The following PCDHA4 variants were observed in gnomAD, a reference collection of about 807,000 sequenced individuals.
The protein encoded by PCDHA4 is protocadherin alpha 4.
A neutral mutation model predicts 61.4 loss-of-function variants in PCDHA4; 49 were observed. The observed-to-expected ratio is 0.80, with a 90% confidence interval of 0.63 to 1.01. PCDHA4 has a LOEUF of 1.01. Among genes scored for constraint, PCDHA4 ranks in the 50% least tolerant of loss-of-function variants. PCDHA4 has a pLI of 0.00. For missense variants in PCDHA4, 1,254 were observed against 1,235.8 expected, an observed-to-expected ratio of 1.01 and a Z score of -0.22; for synonymous variants, 590 against 550.3, an observed-to-expected ratio of 1.07 and a Z score of -1.01.
chr5:140,836,618 G>A (rs2150265827), intron 1 of PCDHA4: 4 of 1,613,598 alleles, frequency 2.5e-6, no homozygotes, highest in African/African-American at 2.7e-5. Flanking sequence ...CCAGCGCGGT[G>A]GGGAGCTGGT....
intron 1 of PCDHA4, among the ~76,000 whole-genome samples, chr5:140,971,604 A>G (rs2096487974): frequency 6.6e-6 from 1 of 152,160 alleles, no homozygotes; most frequent in Admixed American, 6.5e-5. Flanking sequence ...TACAGATGGC[A>G]GGAGAGTCCT....
At chr5:140,856,949 ATAAAAG>A in intron 1 of PCDHA4, 1 of 1,592,772 alleles carries the variant, frequency 6.3e-7, no homozygotes, top group Non-Finnish European at 8.6e-7. Context: ...GACGGGAGAA[ATAAAAG>A]TAAATGATGC....
chr5:140,923,000 G>A (rs1554201089), intron 1 of PCDHA4, among the ~76,000 whole-genome samples: 2 of 152,220 alleles, frequency 1.3e-5, no homozygotes, highest in African/African-American at 4.8e-5. Context: ...CCATGAGAAT[G>A]GTTGTTGGAC....
Position 140,808,720 on chromosome 5 carries a change from T to A in PCDHA4, c.1533T>A (p.His511Gln). Residue 511 changes from histidine to glutamine, a missense_variant, in exon 1 of 4, where the codon CAT becomes CAA. Transcript: ENST00000530339. ...CGCTGTCGAGCTACGTTTCGGTGCA[T>A]GCGGAGAGCGGCAAGGTGTACGCGC... is the stretch of plus-strand genomic sequence containing the variant. ...ERALSSYVSVHAESGKVYALQ... is the reference protein window; with the variant it reads ...ERALSSYVSVQAESGKVYALQ... 6.2e-7 allele frequency: 1 copy of A among 1,612,064 alleles called. No homozygotes were observed. Among genetic ancestry groups the A allele is most frequent in the South Asian group, 1.1e-5 (1 of 90,998 alleles).
intron 1 of PCDHA4, chr5:140,821,860 C>CAGCT (rs1193043307): frequency 6.2e-7 from 1 of 1,614,076 alleles, no homozygotes; most frequent in Non-Finnish European, 8.5e-7. Context: ...AGGGAGCGGC[C>CAGCT]AGCTCCACTA....
At chr5:141,001,607 A>G (rs1554258244) in intron 3 of PCDHA4, among the ~76,000 whole-genome samples, 1 of 152,078 alleles carries the variant, frequency 6.6e-6, no homozygotes, top group African/African-American at 2.4e-5. Flanking sequence ...AGGTTTGCCC[A>G]ATTCATAAAG....
chr5:140,989,085 C>T (rs1481898269), intron 3 of PCDHA4: 7 of 152,258 alleles, frequency 4.6e-5, no homozygotes, highest in Non-Finnish European at 7.4e-5. Context: ...CTCTGAAAAC[C>T]TTGTCAGGAG....
intron 1 of PCDHA4, among the ~76,000 whole-genome samples, chr5:140,977,356 T>C (rs1563455891): frequency 6.6e-6 from 1 of 152,250 alleles, no homozygotes; most frequent in African/African-American, 2.4e-5. Flanking sequence ...GACTGATTGA[T>C]AAAAAGTATT....
intron 1 of PCDHA4, chr5:140,841,445 G>T: frequency 6.2e-7 from 1 of 1,612,934 alleles, no homozygotes; most frequent in South Asian, 1.1e-5. Context: ...GGCCAAACAC[G>T]GCACCTTCGT....
chr5:140,883,632 T>C (rs782762437), intron 1 of PCDHA4: 1 of 1,613,936 alleles, frequency 6.2e-7, no homozygotes, highest in South Asian at 1.1e-5. Flanking sequence ...GCGCCGGCGT[T>C]CGCGCAGCCC....
intron 1 of PCDHA4, chr5:140,877,904 A>G (rs1421896402): frequency 7.0e-7 from 1 of 1,436,098 alleles, no homozygotes; most frequent in East Asian, 2.5e-5. Context: ...GGTTATAACT[A>G]CATTCTCTCA....
chr5:140,868,027 G>T (rs2050246308), intron 1 of PCDHA4: 1 of 151,988 alleles, frequency 6.6e-6, no homozygotes, highest in African/African-American at 2.4e-5. Context: ...AACCAATGTT[G>T]GTGACTTGGA....
intron 1 of PCDHA4, chr5:140,927,103 C>T: frequency 6.2e-7 from 1 of 1,613,768 alleles, no homozygotes; most frequent in Non-Finnish European, 8.5e-7. Flanking sequence ...GGTGGATCTA[C>T]CCAGCGGCAA....
rs2150131813 is a variant in PCDHA4, at chr5:140,824,059, G to T, written c.2385+14487G>T. Reference sequence around the variant, plus strand: ...GAGACAGAGGGTGTGCTCTGGGGAAGCTCCACCCAAAACAGACCTCATGGC... The same window carrying T: ...GAGACAGAGGGTGTGCTCTGGGGAATCTCCACCCAAAACAGACCTCATGGC... On this transcript the variant is annotated intron_variant, in intron 1 of 3. Coordinates refer to ENST00000530339, the MANE Select transcript of PCDHA4 (RefSeq NM_018907.4). 51 of 1,614,148 alleles carry T rather than the reference G, an allele frequency of 3.2e-5. 1 individual carries two copies. The Middle Eastern group carries it at 1.3e-3, about 42-fold the overall frequency.
At chr5:140,848,150 A>AG (rs1781344114) in intron 1 of PCDHA4, 1 of 209,114 alleles carries the variant, frequency 4.8e-6, no homozygotes, top group South Asian at 1.1e-4. Flanking sequence ...AGAGGCAGTC[A>AG]GTCTGCTAAG....
intron 1 of PCDHA4, chr5:140,830,250 C>A (rs1435019296): frequency 1.9e-6 from 3 of 1,613,904 alleles, no homozygotes; most frequent in Non-Finnish European, 8.5e-7. Flanking sequence ...CTGTACACAG[C>A]GCTGCGGTGC....
chr5:140,967,887 T>G, intron 1 of PCDHA4: 1 of 1,614,078 alleles, frequency 6.2e-7, no homozygotes, highest in Non-Finnish European at 8.5e-7. Flanking sequence ...TATAGCCCAG[T>G]GCCTGAGAAT....
chr5:140,882,036 G>C, intron 1 of PCDHA4: 1 of 646,228 alleles, frequency 1.5e-6, no homozygotes. Context: ...AAAATATGAA[G>C]ACTGAGTCAT....
intron 1 of PCDHA4, among the ~76,000 whole-genome samples, chr5:140,963,504 G>T (rs1044640224): frequency 4.6e-5 from 7 of 152,222 alleles, no homozygotes; most frequent in Admixed American, 1.3e-4. Flanking sequence ...CAAATCTCTT[G>T]AAGGGGTTCT....
Sources: allele counts gnomAD v4.1 joint callset (sites outside exome capture counted in the v4.1 genomes callset), GRCh38; gene constraint gnomAD v4.1.1; transcripts MANE v1.5; gene names NCBI Gene and HGNC (gene_info 2026-07-23, HGNC 2026-07-21).